IMPG2: variants seen among roughly 807,000 people sequenced by gnomAD.
The protein encoded by IMPG2 is IPM 200.
In IMPG2, 91 loss-of-function variants were observed where a neutral mutation model predicts 129.2. The observed-to-expected ratio is 0.70, with a 90% CI of 0.59 to 0.84. The LOEUF is 0.84. Among genes scored for constraint, IMPG2 ranks in the 40% least tolerant of loss-of-function variants. The pLI is 0.00. For synonymous variants in IMPG2, 510 were observed against 517.7 expected (o/e 0.99, Z 0.20); for missense variants, 1,430 against 1,461.7 (o/e 0.98, Z 0.35).
intron 10 of IMPG2, among the ~76,000 whole-genome samples, chr3:101,256,140 GAAAGA>G (rs1706598260): frequency 5.8e-5 from 5 of 86,494 alleles, no homozygotes; most frequent in African/African-American, 9.2e-5. Flanking sequence ...AAGAAAGAAA[GAAAGA>G]AAAGAAAGAA....
At chr3:101,296,711 T>C (rs570164600) in intron 3 of IMPG2, among the ~76,000 whole-genome samples, 108 of 150,002 alleles carry the variant, frequency 7.2e-4, no homozygotes, top group African/African-American at 2.3e-3. Context: ...TTTTTTTTGG[T>C]TGGTAGACTA....
rs749703201 is a variant in IMPG2, at chr3:101,319,721, A to G, written c.197T>C (p.Leu66Pro). 6.2e-7 allele frequency: 1 copy of G among 1,613,722 alleles called. No homozygotes were observed. Among genetic ancestry groups the G allele is most frequent in the African/African-American group, 1.3e-5 (1 of 75,026 alleles). The change falls in exon 2 of 19, where the codon CTG becomes CCG. Residue 66 changes from leucine to proline, a missense_variant. Coordinates refer to ENST00000193391, the MANE Select transcript of IMPG2 (RefSeq NM_016247.4). ...LSLATKKKQPLDRRETERQWL... is the reference protein window; with the variant it reads ...LSLATKKKQPPDRRETERQWL... ...CTGTCTTTCAGTTTCTCTGCGGTCC[A>G]GAGGCTGTTTCTTTTTGGTAGCTAG... is the stretch of plus-strand genomic sequence containing the variant.
chr3:101,299,196 G>T (rs1040350709), intron 3 of IMPG2, among the ~76,000 whole-genome samples: 1 of 152,088 alleles, frequency 6.6e-6, no homozygotes, highest in Non-Finnish European at 1.5e-5. Flanking sequence ...ACTGATTCTT[G>T]TGTATTTTTC....
At chr3:101,300,896 T>C (rs1273662402) in intron 3 of IMPG2, among the ~76,000 whole-genome samples, 1 of 152,250 alleles carries the variant, frequency 6.6e-6, no homozygotes, top group African/African-American at 2.4e-5. Flanking sequence ...AAGGCCTATC[T>C]CAGTTTTTGA....
chr3:101,243,250 A>G (rs1319388004), intron 13 of IMPG2, among the ~76,000 whole-genome samples: 1 of 152,242 alleles, frequency 6.6e-6, no homozygotes, highest in Non-Finnish European at 1.5e-5. Flanking sequence ...TAAAATGTGA[A>G]GAGAAATGTC....
chr3:101,284,775 C>A (rs1706928118), intron 4 of IMPG2, among the ~76,000 whole-genome samples: 1 of 152,164 alleles, frequency 6.6e-6, no homozygotes, highest in Non-Finnish European at 1.5e-5. Context: ...CCATCATCTC[C>A]TGCAGCACAA....
Position 101,226,782 on chromosome 3 carries a change from T to C in IMPG2, c.*187A>G. ...CATTCAGTCTTTATAGAAATAAAAATGGTAACATCTCTTACTACATTCTGA... is the reference window on the plus strand; with the variant it reads ...CATTCAGTCTTTATAGAAATAAAAACGGTAACATCTCTTACTACATTCTGA... On this transcript the variant is annotated 3_prime_UTR_variant, in exon 19 of 19. Transcript: ENST00000193391. 1.7e-6 allele frequency: 1 copy of C among 605,304 alleles called. No individual in the cohort carries two copies. Among genetic ancestry groups the C allele is most frequent in the South Asian group, 2.2e-5 (1 of 44,516 alleles). The allele number at this position is 605,304 out of a possible 1,614,324, so 37.5% of individuals were successfully genotyped here. A position where few individuals can be genotyped will look rare whatever the true frequency, so the allele number is the denominator to read the frequency against.
At chr3:101,246,177 T>A in intron 11 of IMPG2, 72 bp from the exon 12 acceptor site, 1 of 1,403,624 alleles carries the variant, frequency 7.1e-7, no homozygotes, top group Non-Finnish European at 9.9e-7. Context: ...AAATACCACC[T>A]ATCTGTCTAT....
chr3:101,318,608 T>TATA (rs1225850759), intron 2 of IMPG2, among the ~76,000 whole-genome samples: 1 of 152,140 alleles, frequency 6.6e-6, no homozygotes, highest in African/African-American at 2.4e-5. Context: ...AGAAGGTTCA[T>TATA]ATAATCCAGT....
chr3:101,259,598 C>T (rs73156040), intron 9 of IMPG2, among the ~76,000 whole-genome samples: 16,009 of 150,334 alleles, frequency 0.11, 923 homozygotes, highest in Middle Eastern at 0.14. Flanking sequence ...TGTCTGAAGG[C>T]AGAAAGAAAA....
intron 3 of IMPG2, among the ~76,000 whole-genome samples, chr3:101,298,507 T>G (rs1419096427): frequency 6.6e-6 from 1 of 152,198 alleles, no homozygotes; most frequent in Non-Finnish European, 1.5e-5. Flanking sequence ...GGTCTTTATA[T>G]TTTGGTGTGT....
chr3:101,296,337 A>C (rs1707079829), intron 3 of IMPG2, among the ~76,000 whole-genome samples: 1 of 152,036 alleles, frequency 6.6e-6, no homozygotes. Flanking sequence ...GGTTTTTGTC[A>C]TTGGTTCTGT....
Position 101,249,937 on chromosome 3 carries a change from G to A in IMPG2, c.1239+3759C>T, listed in dbSNP as rs144697573. 3.5e-3 allele frequency among the ~76,000 whole-genome samples: 536 copies of A among 152,160 alleles called. 3 individuals are homozygous for A. Among genetic ancestry groups the A allele is most frequent in the African/African-American group, 0.013 (521 of 41,518 alleles). On this transcript the variant is annotated intron_variant, in intron 11 of 18. Transcript: ENST00000193391. ...ATAAAAAAAAATAGCTGGGTGCCTT[G>A]GTGCACTCCTATAGTGCATTCCTAT...
At chr3:101,266,254 T>C (rs556004688) in intron 9 of IMPG2, among the ~76,000 whole-genome samples, 1 of 152,288 alleles carries the variant, frequency 6.6e-6, no homozygotes, top group Admixed American at 6.5e-5. Context: ...CACACACCCA[T>C]GTTTATTTAT....
At chr3:101,229,320 G>GGCC in intron 17 of IMPG2, 60 bp downstream of exon 17, 1 of 519,342 alleles carries the variant, frequency 1.9e-6, no homozygotes, top group Non-Finnish European at 3.0e-6. Flanking sequence ...ACCACCCCCT[G>GGCC]CTCCCCCACA....
At position 101,228,818 on chromosome 3, in the gene IMPG2, G is replaced by A. The variant is rs377428968; in HGVS notation, c.3692C>T (p.Ala1231Val). ...TTACACTTGTTGCTCTCTCACAAAA[G>A]CTGCAAACTCAGGATCATTGGCATA... Reference protein sequence around the residue: ...ELYANDPEFAAFVREQQVEEV With the variant: ...ELYANDPEFAVFVREQQVEEV Residue 1231 changes from alanine (A) to valine (V), a missense_variant, in exon 18 of 19, where the codon GCT becomes GTT. Ala to Val is a moderately conservative substitution (Grantham distance 64, BLOSUM62 0). Coordinates refer to ENST00000193391, the MANE Select transcript of IMPG2 (RefSeq NM_016247.4). The A allele has an allele frequency of 6.3e-5, 102 of 1,613,824 alleles. No homozygotes were observed. The highest frequency in any genetic ancestry group is 8.0e-5 in the Non-Finnish European group (94 of 1,179,886).
chr3:101,306,445 C>T (rs1340116722), intron 2 of IMPG2, among the ~76,000 whole-genome samples: 1 of 152,164 alleles, frequency 6.6e-6, no homozygotes, highest in Non-Finnish European at 1.5e-5. Flanking sequence ...TTATTAAGAA[C>T]TTCTGACCAT....
In IMPG2 at chr3:101,304,236, C is replaced by T. The variant is rs764109533; in HGVS notation, c.411G>A (p.Trp137Ter). The change falls in exon 3 of 19, where the codon TGG becomes TGA. Residue 137 changes from tryptophan to a stop codon, truncating the protein, a stop_gained. Transcript: ENST00000193391. LOFTEE classifies it high-confidence loss of function. Reference sequence around the variant, plus strand: ...TGACTCCATCCTCACACAAATTCATCCAGTAATGATATTCCTCACGCCCAG... The same window carrying T: ...TGACTCCATCCTCACACAAATTCATTCAGTAATGATATTCCTCACGCCCAG... ...RLPGREEYHY[W>*]MNLCEDGVTS... The T allele has an allele frequency of 1.8e-5, 29 of 1,613,816 alleles. No individual in the cohort carries two copies. Among genetic ancestry groups the T allele is most frequent in the Non-Finnish European group, 2.5e-5 (29 of 1,179,810 alleles).
At chr3:101,227,133 C>CCTG in intron 18 of IMPG2, 152 bp from the exon 19 acceptor site, 1 of 867,596 alleles carries the variant, frequency 1.2e-6, no homozygotes, top group South Asian at 1.7e-5. Flanking sequence ...CTGTTCTGTG[C>CCTG]TAAAAATTTT....
Sources: gnomAD v4.1 joint callset for allele counts (sites outside exome capture counted in the v4.1 genomes callset) on GRCh38, gnomAD v4.1.1 for gene constraint, MANE v1.5 for transcripts, NCBI Gene and HGNC (gene_info 2026-07-23, HGNC 2026-07-21) for gene names.